SKIC2: variants seen among roughly 807,000 people sequenced by gnomAD.
SKIC2 encodes SKI2 subunit of superkiller complex.
At chr6:31,966,740 G>A in the SKIC2 span, 24 of 1,614,112 alleles carry the variant, frequency 1.5e-5, no homozygotes, top group Non-Finnish European at 1.9e-5. The surrounding 1 kb of genome is among the most constrained non-coding windows in gnomAD (Gnocchi z 5.9). Flanking sequence ...TCCCAGTTCC[G>A]CCTCACGTAC....
chr6:31,959,181 T>C, the SKIC2 span: 4 of 1,609,896 alleles, frequency 2.5e-6, no homozygotes, highest in Non-Finnish European at 3.4e-6. Flanking sequence ...AGGCAGCTGC[T>C]GTGGCTCCAG....
chr6:31,967,685 C>T, the SKIC2 span: 3 of 1,611,152 alleles, frequency 1.9e-6, no homozygotes, highest in Non-Finnish European at 2.5e-6. This position sits in a 1 kb window ranked among gnomAD's most constrained non-coding sequence, Gnocchi z 4.9. Flanking sequence ...CATCACACCC[C>T]CCTCTCCTGG....
the SKIC2 span, chr6:31,969,601 A>C: frequency 6.2e-7 from 1 of 1,613,376 alleles, no homozygotes; most frequent in South Asian, 1.1e-5. The surrounding 1 kb of genome is among the most constrained non-coding windows in gnomAD (Gnocchi z 6.1). Flanking sequence ...TGTGTCGCTC[A>C]CTGCGGGGGG....
the SKIC2 span, chr6:31,967,356 C>T: frequency 9.9e-6 from 16 of 1,612,062 alleles, no homozygotes; most frequent in African/African-American, 2.7e-5. This position sits in a 1 kb window ranked among gnomAD's most constrained non-coding sequence, Gnocchi z 4.9. Flanking sequence ...AGCATCACAA[C>T]GCATTGGGAG....
At chr6:31,965,846 G>A in the SKIC2 span, 1 of 1,613,046 alleles carries the variant, frequency 6.2e-7, no homozygotes, top group Non-Finnish European at 8.5e-7. This position sits in a 1 kb window ranked among gnomAD's most constrained non-coding sequence, Gnocchi z 5.6. Flanking sequence ...AGTAGTGTTT[G>A]ACTCCATGCG....
At chr6:31,961,171 T>C in the SKIC2 span, 2 of 1,613,266 alleles carry the variant, frequency 1.2e-6, no homozygotes, top group Non-Finnish European at 8.5e-7. Context: ...CATGACAAGG[T>C]TGACCTTGTT....
the SKIC2 span, chr6:31,963,410 C>G: frequency 4.5e-6 from 7 of 1,551,968 alleles, no homozygotes; most frequent in Non-Finnish European, 6.1e-6. The surrounding 1 kb of genome is among the most constrained non-coding windows in gnomAD (Gnocchi z 5.3). Context: ...CTCCTTTCTT[C>G]AGGCGGCTGA....
At chr6:31,968,146 G>A in the SKIC2 span, 2 of 1,600,850 alleles carry the variant, frequency 1.2e-6, no homozygotes, top group Non-Finnish European at 1.7e-6. The surrounding 1 kb of genome is among the most constrained non-coding windows in gnomAD (Gnocchi z 6.1). Context: ...AGGGGCAGTG[G>A]TCTGGGAGTT....
At chr6:31,959,314 C>G in the SKIC2 span, 1 of 1,613,764 alleles carries the variant, frequency 6.2e-7, no homozygotes, top group Admixed American at 1.7e-5. Flanking sequence ...CCCTCCAGAT[C>G]CCCTGGACCT....
At chr6:31,963,673 G>A in the SKIC2 span, 1 of 1,556,710 alleles carries the variant, frequency 6.4e-7, no homozygotes, top group Admixed American at 2.0e-5. This position sits in a 1 kb window ranked among gnomAD's most constrained non-coding sequence, Gnocchi z 5.3. Context: ...AGGAGAGAAT[G>A]AGCAAACACG....
chr6:31,962,139 CCT>C, the SKIC2 span: 1 of 1,380,534 alleles, frequency 7.2e-7, no homozygotes, highest in Admixed American at 1.7e-5. The surrounding 1 kb of genome is among the most constrained non-coding windows in gnomAD (Gnocchi z 5.0). Context: ...TCTTCCCCCA[CCT>C]CTCTAGCTCA....
chr6:31,963,539 AG>A, the SKIC2 span: 1 of 1,592,920 alleles, frequency 6.3e-7, no homozygotes, highest in Non-Finnish European at 8.5e-7. The surrounding 1 kb of genome is among the most constrained non-coding windows in gnomAD (Gnocchi z 5.3). Context: ...TGGACTCCCG[AG>A]GAGCCTTCCA....
the SKIC2 span, chr6:31,961,356 A>G: frequency 1.3e-6 from 2 of 1,567,572 alleles, no homozygotes; most frequent in Admixed American, 4.2e-5. Flanking sequence ...CCCTGGCCCG[A>G]GCAAGCAGCT....
At chr6:31,966,139 A>G in the SKIC2 span, 1 of 672,206 alleles carries the variant, frequency 1.5e-6, no homozygotes, top group Non-Finnish European at 2.4e-6. The surrounding 1 kb of genome is among the most constrained non-coding windows in gnomAD (Gnocchi z 5.9). Context: ...TCTGTTACCT[A>G]GGCTGGAGTG....
the SKIC2 span, chr6:31,963,770 G>T: frequency 6.5e-7 from 1 of 1,527,898 alleles, no homozygotes; most frequent in African/African-American, 1.4e-5. This position sits in a 1 kb window ranked among gnomAD's most constrained non-coding sequence, Gnocchi z 5.3. Context: ...GCCAGCACCT[G>T]TTTTTCCTCC....
the SKIC2 span, chr6:31,965,990 G>A: frequency 6.2e-7 from 1 of 1,605,604 alleles, no homozygotes; most frequent in Non-Finnish European, 8.5e-7. This position sits in a 1 kb window ranked among gnomAD's most constrained non-coding sequence, Gnocchi z 5.6. Context: ...GCCCGAGATG[G>A]CAGACCTGCA....
chr6:31,966,739 C>T, the SKIC2 span: 44 of 1,613,994 alleles, frequency 2.7e-5, no homozygotes, highest in African/African-American at 2.3e-4. The surrounding 1 kb of genome is among the most constrained non-coding windows in gnomAD (Gnocchi z 5.9). Context: ...GTCCCAGTTC[C>T]GCCTCACGTA....
the SKIC2 span, among the ~76,000 whole-genome samples, chr6:31,965,481 CAT>C: frequency 2.3e-4 from 35 of 152,202 alleles, no homozygotes; most frequent in East Asian, 1.2e-3. The surrounding 1 kb of genome is among the most constrained non-coding windows in gnomAD (Gnocchi z 5.6). Context: ...CAAAAGAAGA[CAT>C]GTTCTATAAG....
the SKIC2 span, chr6:31,969,295 C>G: frequency 6.2e-7 from 1 of 1,614,158 alleles, no homozygotes; most frequent in Non-Finnish European, 8.5e-7. This position sits in a 1 kb window ranked among gnomAD's most constrained non-coding sequence, Gnocchi z 6.1. Flanking sequence ...AGAACGTGTC[C>G]GGGCTGTGGC....
Sources: allele counts gnomAD v4.1 joint callset (sites outside exome capture counted in the v4.1 genomes callset), GRCh38; gene constraint gnomAD v4.1.1; non-coding constraint Gnocchi (gnomAD v3.1); transcripts MANE v1.5; gene names NCBI Gene and HGNC (gene_info 2026-07-23, HGNC 2026-07-21).